PHF3: variants seen among roughly 807,000 people sequenced by gnomAD.
PHF3 encodes PHD finger protein 3.
Under a neutral mutation model 178.4 loss-of-function variants are expected in PHF3, and 41 were observed. The ratio of observed to expected loss-of-function variants is 0.23; its 90% confidence interval spans 0.18 to 0.30. The LOEUF (loss-of-function observed/expected upper bound fraction) is 0.30. Ranked by LOEUF, PHF3 falls within the 10% of genes least tolerant of loss-of-function variation. PHF3 has a pLI of 1.00. For synonymous variants in PHF3, 842 were observed against 800.5 expected, an observed-to-expected ratio of 1.05 and a Z score of -0.88; for missense variants, 2,346 against 2,398.1, an observed-to-expected ratio of 0.98 and a Z score of 0.45.
At chr6:63,695,737 G>A (rs1220157716) in intron 6 of PHF3, among the ~76,000 whole-genome samples, 1 of 152,094 alleles carries the variant, frequency 6.6e-6, no homozygotes, top group Non-Finnish European at 1.5e-5. Context: ...ATAGAATGAA[G>A]GTAGTGAGTA....
At position 63,686,861 on chromosome 6, in the gene PHF3, A is replaced by G. The variant is rs568248715; in HGVS notation, c.2189+950A>G. On this transcript the variant is annotated intron_variant, in intron 4 of 15. Coordinates refer to ENST00000262043, the MANE Select transcript of PHF3 (RefSeq NM_001370348.2). ...AAATGAAGCTCTTTAGGGAGGGACA[A>G]TTTAGTAAAGTGTGTTGTAACATAT... 3.3e-5 allele frequency among the ~76,000 whole-genome samples: 5 copies of G among 152,298 alleles called. No individual in the cohort carries two copies. In the South Asian group the frequency reaches 6.2e-4, roughly 19 times the overall value.
chr6:63,719,996 G>T lies in PHF3; in HGVS notation c.*6288G>T, dbSNP rs1481927223. The T allele has an allele frequency of 6.6e-6, 1 of 152,070 alleles. No individual in the cohort carries two copies. Among genetic ancestry groups the T allele is most frequent in the South Asian group, 2.1e-4 (1 of 4,826 alleles). 9.4% of individuals were successfully genotyped at this position (152,070 alleles called of 1,614,324 possible). The stretch of plus-strand genomic sequence containing the variant: ...TCTTACTATAAAAGATAAGGATTTA[G>T]CTCTTACCAGCCTGTTCTCCTCTCC... On this transcript the variant is annotated 3_prime_UTR_variant, in exon 16 of 16. Transcript: ENST00000262043.
chr6:63,709,037 CTTG>C, intron 13 of PHF3, 111 bp from the exon 14 acceptor site: 1 of 550,976 alleles, frequency 1.8e-6, no homozygotes, highest in Non-Finnish European at 3.1e-6. Flanking sequence ...TCTTTATTTA[CTTG>C]TTTTTATTAC....
intron 2 of PHF3, among the ~76,000 whole-genome samples, chr6:63,653,890 C>G (rs192021298): frequency 6.6e-6 from 1 of 152,228 alleles, no homozygotes; most frequent in Admixed American, 6.5e-5. Context: ...TTGAGATGAT[C>G]ATACTGTTTT....
At chr6:63,687,265 A>T (rs1766754320) in intron 4 of PHF3, among the ~76,000 whole-genome samples, 1 of 152,198 alleles carries the variant, frequency 6.6e-6, no homozygotes, top group Non-Finnish European at 1.5e-5. Context: ...CTCTACTAAA[A>T]ATACAAAAGT....
chr6:63,693,351 C>T (rs773869059), intron 5 of PHF3, among the ~76,000 whole-genome samples: 1 of 152,296 alleles, frequency 6.6e-6, no homozygotes, highest in South Asian at 2.1e-4. Flanking sequence ...TGCAGTGGCT[C>T]ACACCTGTAA....
chr6:63,712,741 T>C lies in PHF3; in HGVS notation c.5153T>C (p.Val1718Ala). Residue 1718 changes from valine to alanine, a missense_variant, in exon 16 of 16, where the codon GTT (valine) becomes GCT (alanine). Physicochemically the swap from Val to Ala is moderately conservative, Grantham distance 64. Transcript: ENST00000262043. ...SCVQQSDNLKVAQNSPSVENI... is the reference protein window; with the variant it reads ...SCVQQSDNLKAAQNSPSVENI... Reference sequence around the variant, plus strand: ...GTTCAGCAGAGTGACAATTTAAAAGTTGCACAAAACTCACCATCAGTAGAA... The same window carrying C: ...GTTCAGCAGAGTGACAATTTAAAAGCTGCACAAAACTCACCATCAGTAGAA... The C allele has an allele frequency of 3.7e-6, 6 of 1,613,842 alleles. No homozygotes were observed. Among genetic ancestry groups the C allele is most frequent in the Non-Finnish European group, 5.1e-6 (6 of 1,179,946 alleles).
Position 63,680,107 on chromosome 6 carries a change from G to A in PHF3, c.352G>A (p.Val118Ile), listed in dbSNP as rs1766363601. The A allele has an allele frequency of 1.2e-6, 2 of 1,611,840 alleles. No individual in the cohort carries two copies. The highest frequency in any genetic ancestry group is 1.7e-5 in the Admixed American group (1 of 59,668). ...ILPNRNLRDK[V>I]EENSVRSPRK... ...ACCTAACAGGAACTTAAGGGACAAG[G>A]TAGAAGAAAATTCAGTGAGATCTCC... Residue 118 changes from valine (V) to isoleucine (I), a missense_variant, in exon 3 of 16, where the codon GTA becomes ATA. Around this residue, in one of 8 missense-constraint regions of PHF3, gnomAD observed 843 missense variants for 795.2 expected, o/e 1.06. Transcript: ENST00000262043.
intron 6 of PHF3, among the ~76,000 whole-genome samples, chr6:63,696,567 G>A (rs1767237653): frequency 6.6e-6 from 1 of 152,144 alleles, no homozygotes; most frequent in African/African-American, 2.4e-5. Flanking sequence ...TGATCTTCCT[G>A]CTTTGGCCTC....
rs1313094391 is a variant in PHF3, at chr6:63,716,038, C to A, written c.*2330C>A. Among the ~76,000 whole-genome samples, 1 of 152,168 alleles carries A rather than the reference C, an allele frequency of 6.6e-6. No homozygotes were observed. The highest frequency in any genetic ancestry group is 2.4e-5 in the African/African-American group (1 of 41,448). ...CCTCTATTAGGTAAAAGTACCAGGG[C>A]ATCTCAGTACCTGTAAAGTTCACCC... is the stretch of plus-strand genomic sequence containing the variant. On this transcript the variant is annotated 3_prime_UTR_variant, in exon 16 of 16. Coordinates refer to ENST00000262043, the MANE Select transcript of PHF3 (RefSeq NM_001370348.2).
chr6:63,641,830 A>G (rs1429259455), intron 1 of PHF3, among the ~76,000 whole-genome samples: 1 of 151,768 alleles, frequency 6.6e-6, no homozygotes, highest in African/African-American at 2.4e-5. Context: ...GTTTCGTCAT[A>G]TTGGTCAGGC....
intron 4 of PHF3, among the ~76,000 whole-genome samples, chr6:63,688,757 C>G (rs1048442512): frequency 2.6e-5 from 4 of 152,144 alleles, no homozygotes; most frequent in African/African-American, 7.2e-5. Flanking sequence ...TTGCAATTTT[C>G]CTATTCTAAT....
At chr6:63,646,994 G>A (rs975149255) in intron 2 of PHF3, among the ~76,000 whole-genome samples, 199 bp downstream of exon 2, 1 of 150,286 alleles carries the variant, frequency 6.7e-6, no homozygotes, top group Non-Finnish European at 1.5e-5. Context: ...TTTCTTCCAA[G>A]GAGTGTGGAG....
intron 5 of PHF3, among the ~76,000 whole-genome samples, chr6:63,694,155 C>T (rs1357031557): frequency 1.3e-5 from 2 of 152,122 alleles, no homozygotes; most frequent in African/African-American, 4.8e-5. Context: ...ATAATTAGAA[C>T]CAGAGTAGCA....
rs1250413219 is a variant in PHF3 at position 63,721,165 on chromosome 6, TTGAAAA to T, written c.*7462_*7467del. 1.9e-6 allele frequency: 3 copies of T among 1,551,654 alleles called. No homozygotes were observed. Among genetic ancestry groups the T allele is most frequent in the Non-Finnish European group, 8.7e-7 (1 of 1,146,908 alleles). On this transcript the variant is annotated 3_prime_UTR_variant, in exon 16 of 16. Coordinates refer to ENST00000262043, the MANE Select transcript of PHF3 (RefSeq NM_001370348.2). Reference sequence around the variant, plus strand: ...TAAGAATTACCCATAAATTTTGCAGTTGAAAATGAAGTTTTGTTTTCACAATACCTT... The same window carrying T: ...TAAGAATTACCCATAAATTTTGCAGTTGAAGTTTTGTTTTCACAATACCTT...
intron 14 of PHF3, among the ~76,000 whole-genome samples, chr6:63,709,826 T>G (rs1350423220): frequency 6.6e-6 from 1 of 152,172 alleles, no homozygotes; most frequent in Non-Finnish European, 1.5e-5. Context: ...GTTAAGGGCT[T>G]CTTATTAGTA....
intron 13 of PHF3, among the ~76,000 whole-genome samples, chr6:63,707,330 T>C (rs1767737910): frequency 6.6e-6 from 1 of 152,244 alleles, no homozygotes; most frequent in Non-Finnish European, 1.5e-5. Context: ...GTGGTTTATG[T>C]AGACTGGGAG....
chr6:63,677,979 T>C (rs1416960466), intron 2 of PHF3, among the ~76,000 whole-genome samples: 1 of 152,068 alleles, frequency 6.6e-6, no homozygotes, highest in Non-Finnish European at 1.5e-5. Context: ...TCCCAGCACT[T>C]TGGGAGGCCA....
chr6:63,650,723 T>C (rs1747008012), intron 2 of PHF3, among the ~76,000 whole-genome samples: 2 of 152,216 alleles, frequency 1.3e-5, no homozygotes, highest in Admixed American at 1.3e-4. Flanking sequence ...GGAAAAATTA[T>C]ATTGCACTTG....
Sources: allele counts gnomAD v4.1 joint callset (sites outside exome capture counted in the v4.1 genomes callset), GRCh38; gene constraint gnomAD v4.1.1; regional missense constraint gnomAD v4.1.1; transcripts MANE v1.5; gene names NCBI Gene and HGNC (gene_info 2026-07-23, HGNC 2026-07-21).